The following SAMD12 variants were observed in gnomAD, a reference collection of about 807,000 sequenced individuals.
SAMD12 encodes the protein sterile alpha motif domain containing 12, also known as sterile alpha motif domain-containing protein 12.
SAMD12 carries 9 observed loss-of-function variants against 15.0 expected under a neutral mutation model. The ratio of observed to expected loss-of-function variants is 0.60; its 90% confidence interval spans 0.36 to 1.05. The LOEUF (loss-of-function observed/expected upper bound fraction) is 1.05. Among genes scored for constraint, SAMD12 ranks in the 50% least tolerant of loss-of-function variants. The pLI, the probability that SAMD12 is intolerant of heterozygous loss-of-function variation, is 0.01. For synonymous variants in SAMD12, 86 were observed against 90.1 expected, an observed-to-expected ratio of 0.96 and a Z score of 0.25; for missense variants, 230 against 234.2, an observed-to-expected ratio of 0.98 and a Z score of 0.12.
chr8:118,302,429 AT>A (rs1483451787), intron 4 of SAMD12, among the ~76,000 whole-genome samples: 1 of 152,216 alleles, frequency 6.6e-6, no homozygotes, highest in Non-Finnish European at 1.5e-5. Flanking sequence ...TATTTAGAAC[AT>A]TTGGAGAATA....
chr8:118,328,921 T>C (rs923228466), intron 4 of SAMD12, among the ~76,000 whole-genome samples: 1 of 152,142 alleles, frequency 6.6e-6, no homozygotes, highest in African/African-American at 2.4e-5. Context: ...CCTTCAGTAA[T>C]CCAAAGAGGA....
At chr8:118,261,580 C>A (rs1381876405) in intron 4 of SAMD12, among the ~76,000 whole-genome samples, 8 of 151,754 alleles carry the variant, frequency 5.3e-5, no homozygotes, top group Non-Finnish European at 5.9e-5. Flanking sequence ...CAAATGCCTG[C>A]TGTTAATGTG....
intron 1 of SAMD12, among the ~76,000 whole-genome samples, chr8:118,615,991 C>T (rs2460968): frequency 0.8 from 121,281 of 152,148 alleles, 49,858 homozygotes; most frequent in Middle Eastern, 0.91. Context: ...TTTTCAATGA[C>T]GAACTTCTAG....
At chr8:118,247,132 AT>A (rs1812714609) in intron 4 of SAMD12, among the ~76,000 whole-genome samples, 1 of 152,164 alleles carries the variant, frequency 6.6e-6, no homozygotes, top group Admixed American at 6.6e-5. Context: ...TAGAGGACAT[AT>A]GCTAGGTGAA....
chr8:118,471,023 T>A (rs967263931), intron 2 of SAMD12, among the ~76,000 whole-genome samples: 33 of 152,208 alleles, frequency 2.2e-4, no homozygotes, highest in African/African-American at 7.7e-4. Context: ...TAAAAATCTG[T>A]GAAATACAGT....
the SAMD12 span, among the ~76,000 whole-genome samples, chr8:118,179,438 C>CG: frequency 1.6e-5 from 2 of 127,078 alleles, no homozygotes; most frequent in African/African-American, 6.4e-5. Context: ...ACTCCGTCTC[C>CG]GAAAAAAAAA....
At chr8:118,146,865 G>A in the SAMD12 span, among the ~76,000 whole-genome samples, 2 of 152,168 alleles carry the variant, frequency 1.3e-5, no homozygotes, top group Admixed American at 1.3e-4. Flanking sequence ...TCACTTATAT[G>A]TTCCTATTCT....
chr8:118,260,584 C>T (rs1333188929), intron 4 of SAMD12, among the ~76,000 whole-genome samples: 1 of 152,084 alleles, frequency 6.6e-6, no homozygotes, highest in Non-Finnish European at 1.5e-5. Flanking sequence ...CCCTGGAGGC[C>T]TGACCTCTGT....
At chr8:118,440,699 C>A (rs150615868) in intron 2 of SAMD12, among the ~76,000 whole-genome samples, 54 of 131,108 alleles carry the variant, frequency 4.1e-4, no homozygotes, top group East Asian at 1.8e-3. Flanking sequence ...CACACACAAA[C>A]ACACACACAC....
chr8:118,587,773 T>C (rs1795910980), intron 1 of SAMD12, among the ~76,000 whole-genome samples: 1 of 152,232 alleles, frequency 6.6e-6, no homozygotes, highest in Non-Finnish European at 1.5e-5. Context: ...TATTCTCCTC[T>C]GGACTTGAGA....
intron 2 of SAMD12, among the ~76,000 whole-genome samples, chr8:118,570,304 C>A (rs1418026857): frequency 6.6e-6 from 1 of 152,120 alleles, no homozygotes; most frequent in Admixed American, 6.6e-5. Flanking sequence ...TATTTTATCA[C>A]CCAGGTATTA....
intron 4 of SAMD12, among the ~76,000 whole-genome samples, chr8:118,312,166 T>A (rs1045016083): frequency 3.3e-5 from 5 of 151,786 alleles, no homozygotes; most frequent in African/African-American, 7.3e-5. Flanking sequence ...TAGAGGTCTC[T>A]CCCTTTCCCT....
intron 2 of SAMD12, among the ~76,000 whole-genome samples, chr8:118,538,670 C>T (rs1825911343): frequency 6.6e-6 from 1 of 152,196 alleles, no homozygotes; most frequent in Non-Finnish European, 1.5e-5. Flanking sequence ...GACTGTCTTT[C>T]CTGCCCTCTT....
chr8:118,480,039 A>G (rs1824081595), intron 2 of SAMD12, among the ~76,000 whole-genome samples: 1 of 152,220 alleles, frequency 6.6e-6, no homozygotes, highest in African/African-American at 2.4e-5. Context: ...ATATAAAACA[A>G]AGAAAAAATT....
intron 3 of SAMD12, among the ~76,000 whole-genome samples, chr8:118,433,374 T>C (rs923298562): frequency 3.3e-5 from 5 of 151,934 alleles, no homozygotes; most frequent in Admixed American, 6.6e-5. Flanking sequence ...TTGTGGTCCA[T>C]TGACCTTCCA....
At chr8:118,190,131 G>A (rs922927757) in exon 5 of SAMD12, 1 of 152,040 alleles carries the variant, frequency 6.6e-6, no homozygotes, top group Non-Finnish European at 1.5e-5. Context: ...TCTGACATGT[G>A]CTTTTTAGCC....
At chr8:118,138,018 T>C in the SAMD12 span, among the ~76,000 whole-genome samples, 1 of 151,940 alleles carries the variant, frequency 6.6e-6, no homozygotes, top group African/African-American at 2.4e-5. Context: ...GAAATATCAA[T>C]GTTAGGCAGA....
chr8:118,544,737 A>G lies in SAMD12; in HGVS notation c.192+35978T>C, dbSNP rs549220569. Among the ~76,000 whole-genome samples, 94 of 152,252 alleles carry G rather than the reference A, an allele frequency of 6.2e-4. 2 individuals are homozygous for G. Among genetic ancestry groups the G allele is most frequent in the African/African-American group, 2.1e-3 (88 of 41,526 alleles). ...TTCATTCCCTGCTAACAACTTGGAG[A>G]AAGTTCAGTCAGTAGCTCTCATCTC... On this transcript the variant is annotated intron_variant, in intron 2 of 3. Coordinates refer to ENST00000314727, the MANE Select transcript of SAMD12 (RefSeq NM_207506.3).
intron 2 of SAMD12, among the ~76,000 whole-genome samples, chr8:118,467,757 G>A (rs929856478): frequency 3.9e-5 from 6 of 152,178 alleles, no homozygotes; most frequent in African/African-American, 1.4e-4. Context: ...TATGGTCTAA[G>A]ACAAAAATGC....
Sources: allele counts gnomAD v4.1 joint callset (sites outside exome capture counted in the v4.1 genomes callset), GRCh38; gene constraint gnomAD v4.1.1; transcripts MANE v1.5; gene names NCBI Gene and HGNC (gene_info 2026-07-23, HGNC 2026-07-21).